NFIB: variants seen among roughly 807,000 people sequenced by gnomAD.
NFIB encodes nuclear factor 1 B-type.
A neutral mutation model predicts 61.5 loss-of-function variants in NFIB; 11 were observed. The ratio of observed to expected loss-of-function variants is 0.18; its 90% CI spans 0.11 to 0.30. The LOEUF is 0.30. Among genes scored for constraint, NFIB ranks in the 10% least tolerant of loss-of-function variants. The pLI is 1.00. For missense variants in NFIB, 471 were observed against 608.9 expected, an observed-to-expected ratio of 0.77 and a Z score of 2.38; for synonymous variants, 260 against 216.5, an observed-to-expected ratio of 1.20 and a Z score of -1.76.
At chr9:14,233,126 T>C (rs2053379943) in intron 2 of NFIB, among the ~76,000 whole-genome samples, 1 of 152,234 alleles carries the variant, frequency 6.6e-6, no homozygotes, top group Non-Finnish European at 1.5e-5. Flanking sequence ...ACAATTGATG[T>C]CATTACTGCT....
At chr9:14,368,345 A>T (rs1447272022) in intron 1 of NFIB, among the ~76,000 whole-genome samples, 1 of 152,194 alleles carries the variant, frequency 6.6e-6, no homozygotes, top group Non-Finnish European at 1.5e-5. Context: ...AGTAGTTTGT[A>T]TTTCATTATT....
the NFIB span, among the ~76,000 whole-genome samples, chr9:14,529,883 C>A: frequency 1.2e-3 from 187 of 152,200 alleles, 1 homozygote; most frequent in African/African-American, 4.3e-3. Context: ...AATAAAAGAC[C>A]ACAATTTCTA....
chr9:14,360,579 C>G (rs1447490756), intron 1 of NFIB, among the ~76,000 whole-genome samples: 1 of 148,576 alleles, frequency 6.7e-6, no homozygotes, highest in Non-Finnish European at 1.5e-5. Context: ...GAGTCTCACT[C>G]TGTCGCCCAG....
At chr9:14,398,533 A>G (rs1231111348) in exon 1 of NFIB, 23 of 1,533,896 alleles carry the variant, frequency 1.5e-5, no homozygotes, top group Non-Finnish European at 1.8e-5. Flanking sequence ...CAGAAAATCC[A>G]AAGCACAGAG....
At chr9:14,189,181 C>T (rs1302479127) in intron 2 of NFIB, among the ~76,000 whole-genome samples, 1 of 152,132 alleles carries the variant, frequency 6.6e-6, no homozygotes, top group African/African-American at 2.4e-5. Flanking sequence ...ACACATGGCC[C>T]CTCTGTGCTA....
chr9:14,294,469 C>G (rs1040392150), intron 2 of NFIB, among the ~76,000 whole-genome samples: 1 of 152,222 alleles, frequency 6.6e-6, no homozygotes, highest in Non-Finnish European at 1.5e-5. Flanking sequence ...TTTCTGCCAT[C>G]AACAGCAATC....
chr9:14,315,858 G>A (rs1285486433), upstream of NFIB, among the ~76,000 whole-genome samples: 1 of 151,796 alleles, frequency 6.6e-6, no homozygotes, highest in Non-Finnish European at 1.5e-5. Flanking sequence ...CTGGGGCTCC[G>A]AGTCTACCTA....
chr9:14,295,437 T>G (rs1164070436), intron 2 of NFIB, among the ~76,000 whole-genome samples: 1 of 151,714 alleles, frequency 6.6e-6, no homozygotes, highest in Non-Finnish European at 1.5e-5. Context: ...TCATCCTGGC[T>G]AACACTGTGA....
At chr9:14,183,270 CTGT>C (rs2047000488) in intron 2 of NFIB, among the ~76,000 whole-genome samples, 1 of 152,274 alleles carries the variant, frequency 6.6e-6, no homozygotes, top group South Asian at 2.1e-4. Context: ...CTCTTAGCAG[CTGT>C]CATGCTCAAA....
chr9:14,270,750 T>C lies in NFIB; in HGVS notation c.562+36239A>G, dbSNP rs532656564. On this transcript the variant is annotated intron_variant, in intron 2 of 10. Coordinates refer to ENST00000380953, the MANE Select transcript of NFIB (RefSeq NM_001190737.2). ...ATTTTAATAAGTAGGGAATGCTCAG[T>C]GAAAAATTACATATTGAGGTGACAG... Among the ~76,000 whole-genome samples, 37 of 152,224 alleles carry C rather than the reference T, an allele frequency of 2.4e-4. No individual in the cohort carries two copies. The South Asian group carries it at 7.7e-3, about 32-fold the overall frequency.
intron 1 of NFIB, among the ~76,000 whole-genome samples, chr9:14,354,005 C>A (rs890526493): frequency 6.6e-6 from 1 of 151,982 alleles, no homozygotes; most frequent in Non-Finnish European, 1.5e-5. Context: ...TAAAATGTTC[C>A]AACCTCCCCT....
chr9:14,253,197 T>A lies in NFIB; in HGVS notation c.562+53792A>T, dbSNP rs1161123231. Reference sequence around the variant, plus strand: ...ACAGCTCATCTTTGACTATTCAACATGTCTTTTGTCCTGGTCTTTTATTTC... The same window carrying A: ...ACAGCTCATCTTTGACTATTCAACAAGTCTTTTGTCCTGGTCTTTTATTTC... On this transcript the variant is annotated intron_variant, in intron 2 of 10. Coordinates refer to ENST00000380953, the MANE Select transcript of NFIB (RefSeq NM_001190737.2). Among the ~76,000 whole-genome samples the A allele has an allele frequency of 2.6e-5, 4 of 152,230 alleles. No individual in the cohort carries two copies. The East Asian group carries it at 5.8e-4, about 22-fold the overall frequency.
chr9:14,198,288 G>A (rs1230604524), intron 2 of NFIB, among the ~76,000 whole-genome samples: 4 of 151,964 alleles, frequency 2.6e-5, no homozygotes, highest in Non-Finnish European at 2.9e-5. Flanking sequence ...AAGTCGTTTC[G>A]GATGTTCACT....
At chr9:14,503,142 A>G in the NFIB span, among the ~76,000 whole-genome samples, 4 of 150,650 alleles carry the variant, frequency 2.7e-5, no homozygotes, top group East Asian at 1.9e-4. Context: ...GTGTGTGTAT[A>G]TATATAAAAT....
chr9:14,347,657 G>A (rs2061046102), intron 1 of NFIB, among the ~76,000 whole-genome samples: 1 of 152,132 alleles, frequency 6.6e-6, no homozygotes, highest in Non-Finnish European at 1.5e-5. Context: ...CTTCGGTCAG[G>A]TCCGCCCAAG....
chr9:14,476,985 C>T, the NFIB span, among the ~76,000 whole-genome samples: 3 of 152,204 alleles, frequency 2.0e-5, no homozygotes, highest in African/African-American at 7.2e-5. Flanking sequence ...GAATTTGAAT[C>T]TCTTAGTACT....
At chr9:14,135,223 T>C (rs2040904737) in intron 6 of NFIB, among the ~76,000 whole-genome samples, 1 of 152,154 alleles carries the variant, frequency 6.6e-6, no homozygotes, top group South Asian at 2.1e-4. Context: ...AAAATAGATA[T>C]TTTTGGGAAA....
At chr9:14,457,033 A>G in the NFIB span, among the ~76,000 whole-genome samples, 1 of 152,232 alleles carries the variant, frequency 6.6e-6, no homozygotes, top group African/African-American at 2.4e-5. Context: ...CTAAATACTG[A>G]CATAAAAAGA....
At chr9:14,301,830 A>G (rs559630773) in intron 2 of NFIB, among the ~76,000 whole-genome samples, 10 of 152,294 alleles carry the variant, frequency 6.6e-5, no homozygotes, top group African/African-American at 2.2e-4. Context: ...TTATCTCACA[A>G]TATATGTTCC....
Sources: allele counts gnomAD v4.1 joint callset (sites outside exome capture counted in the v4.1 genomes callset), GRCh38; gene constraint gnomAD v4.1.1; transcripts MANE v1.5; gene names NCBI Gene and HGNC (gene_info 2026-07-23, HGNC 2026-07-21).